Variants in ZNF407 observed in about 807,000 individuals in gnomAD.
ZNF407 encodes the protein zinc finger protein 407.
A neutral mutation model predicts 131.2 loss-of-function variants in ZNF407; 17 were observed. The ratio of observed to expected loss-of-function variants is 0.13; its 90% confidence interval spans 0.09 to 0.19. The LOEUF is 0.19. Among genes scored for constraint, ZNF407 ranks in the 10% least tolerant of loss-of-function variants. The probability of loss-of-function intolerance (pLI) is 1.00; values close to 1 mark genes in which losing one functional copy is unlikely to be tolerated. For missense variants in ZNF407, 2,681 were observed against 2,830.6 expected, an observed-to-expected ratio of 0.95 and a Z score of 1.20; for synonymous variants, 1,156 against 1,062.0, an observed-to-expected ratio of 1.09 and a Z score of -1.72.
chr18:74,873,750 G>T (rs1971119011), intron 4 of ZNF407, among the ~76,000 whole-genome samples: 1 of 151,804 alleles, frequency 6.6e-6, no homozygotes, highest in Non-Finnish European at 1.5e-5. Context: ...ATTTATGCTA[G>T]AAGACTAACT....
At chr18:74,936,695 C>T (rs998835691) in intron 8 of ZNF407, among the ~76,000 whole-genome samples, 21 of 152,308 alleles carry the variant, frequency 1.4e-4, no homozygotes, top group Admixed American at 9.2e-4. Flanking sequence ...GAATTCTAGA[C>T]AGTTGGGATA....
intron 3 of ZNF407, among the ~76,000 whole-genome samples, chr18:74,722,170 T>C (rs1002460789): frequency 1.3e-5 from 2 of 152,140 alleles, no homozygotes; most frequent in Non-Finnish European, 2.9e-5. Flanking sequence ...TTTCATCAAA[T>C]TTGAGGAACT....
intron 8 of ZNF407, among the ~76,000 whole-genome samples, chr18:75,028,589 T>A (rs1255621975): frequency 2.6e-5 from 4 of 152,220 alleles, no homozygotes; most frequent in Non-Finnish European, 5.9e-5. Flanking sequence ...TACCTCTAAG[T>A]GACTCTGATG....
intron 3 of ZNF407, among the ~76,000 whole-genome samples, chr18:74,728,063 G>T (rs1051531046): frequency 1.3e-5 from 2 of 152,058 alleles, no homozygotes; most frequent in African/African-American, 2.4e-5. Context: ...CATAGTTGTT[G>T]TTGTTGTTTT....
At chr18:74,932,655 C>G (rs1971995921) in intron 8 of ZNF407, among the ~76,000 whole-genome samples, 1 of 152,036 alleles carries the variant, frequency 6.6e-6, no homozygotes, top group South Asian at 2.1e-4. Flanking sequence ...GAATGTAATG[C>G]CTAGTAAAAT....
At chr18:74,775,934 G>C (rs1421882049) in intron 3 of ZNF407, among the ~76,000 whole-genome samples, 3 of 152,178 alleles carry the variant, frequency 2.0e-5, no homozygotes, top group African/African-American at 7.2e-5. Flanking sequence ...CTACAGTACC[G>C]AGGCTGACGC....
intron 4 of ZNF407, among the ~76,000 whole-genome samples, chr18:74,847,846 A>G (rs1970723032): frequency 6.6e-6 from 1 of 150,978 alleles, no homozygotes; most frequent in Non-Finnish European, 1.5e-5. Context: ...AAAATGAGGT[A>G]AAATACAAAA....
At chr18:75,029,071 A>T (rs964563308) in intron 8 of ZNF407, among the ~76,000 whole-genome samples, 3 of 152,232 alleles carry the variant, frequency 2.0e-5, no homozygotes, top group African/African-American at 7.2e-5. Flanking sequence ...AGATATCAGA[A>T]TAAAGACTGG....
intron 7 of ZNF407, among the ~76,000 whole-genome samples, chr18:74,919,197 C>G (rs555824229): frequency 7.9e-5 from 12 of 152,318 alleles, no homozygotes; most frequent in African/African-American, 2.9e-4. Context: ...ATACCGTATT[C>G]ACTGAGTCTT....
chr18:75,064,043 A>G lies in ZNF407; in HGVS notation c.6322A>G (p.Ser2108Gly). The G allele has an allele frequency of 6.3e-7, 1 of 1,599,102 alleles. No homozygotes were observed. The highest frequency in any genetic ancestry group is 8.5e-7 in the Non-Finnish European group (1 of 1,173,568). ...GGACGGTGTCACCCAGGTGGTGGTG[A>G]GCGAAGAGGGTGCCGTCCACATGGT... The part of the protein sequence containing the change: ...VKDGVTQVVV[S>G]EEGAVHMVAG... Residue 2108 changes from serine (S) to glycine (G), a missense_variant, in exon 9 of 9, where the codon AGC becomes GGC. Physicochemically the swap from Ser to Gly is moderately conservative, Grantham distance 56 (BLOSUM62 0). Around this residue, in one of 6 missense-constraint regions of ZNF407, gnomAD observed 620 missense variants for 583.1 expected, o/e 1.06. Transcript: ENST00000299687.
rs567080167 is a variant in ZNF407 at position 74,866,699 on chromosome 18, A to T, written c.4878-10498A>T. Reference sequence around the variant, plus strand: ...GAGAAATAATATATATATATAATTTAAAAAATTATTTGTATGGAATTTCCA... The same window carrying T: ...GAGAAATAATATATATATATAATTTTAAAAATTATTTGTATGGAATTTCCA... On this transcript the variant is annotated intron_variant, in intron 4 of 8. Coordinates refer to ENST00000299687, the MANE Select transcript of ZNF407 (RefSeq NM_017757.3). Among the ~76,000 whole-genome samples the T allele has an allele frequency of 8.6e-5, 13 of 151,040 alleles. No individual in the cohort carries two copies. In the East Asian group the frequency reaches 2.3e-3, roughly 27 times the overall value.
intron 3 of ZNF407, among the ~76,000 whole-genome samples, chr18:74,669,046 G>A (rs571797443): frequency 1.3e-5 from 2 of 152,200 alleles, no homozygotes; most frequent in East Asian, 3.9e-4. Flanking sequence ...TGCCTTGTGA[G>A]GAGCCCCGTC....
intron 4 of ZNF407, among the ~76,000 whole-genome samples, chr18:74,800,523 C>T (rs1271186142): frequency 6.6e-6 from 1 of 152,036 alleles, no homozygotes; most frequent in Non-Finnish European, 1.5e-5. Flanking sequence ...GAACGTTTAA[C>T]CTCTTGCCTC....
At chr18:74,867,541 C>T (rs1971030580) in intron 4 of ZNF407, among the ~76,000 whole-genome samples, 1 of 152,182 alleles carries the variant, frequency 6.6e-6, no homozygotes, top group Admixed American at 6.5e-5. Flanking sequence ...GAAGGCCAGA[C>T]ACTTACTAGC....
chr18:74,628,275 A>T (rs1347461755), intron 1 of ZNF407, among the ~76,000 whole-genome samples: 1 of 152,112 alleles, frequency 6.6e-6, no homozygotes, highest in Non-Finnish European at 1.5e-5. Flanking sequence ...CTTTATTGAG[A>T]TATTTGCAGT....
At chr18:74,798,325 A>C (rs1452188177) in intron 4 of ZNF407, among the ~76,000 whole-genome samples, 1 of 152,126 alleles carries the variant, frequency 6.6e-6, no homozygotes, top group East Asian at 1.9e-4. Flanking sequence ...ATTGTAAAGC[A>C]GACTGCATGA....
chr18:74,615,074 C>G (rs745967961), intron 1 of ZNF407, among the ~76,000 whole-genome samples: 16 of 152,180 alleles, frequency 1.1e-4, no homozygotes, highest in Non-Finnish European at 1.9e-4. Context: ...TGCTTACTTT[C>G]TTCTGTCAGC....
chr18:74,863,047 A>C (rs1970959520), intron 4 of ZNF407, among the ~76,000 whole-genome samples: 1 of 151,834 alleles, frequency 6.6e-6, no homozygotes, highest in South Asian at 2.1e-4. Flanking sequence ...CAGCCTCCCA[A>C]GTAGCTGGGA....
At chr18:74,901,764 C>T (rs901513940) in intron 7 of ZNF407, among the ~76,000 whole-genome samples, 1 of 152,224 alleles carries the variant, frequency 6.6e-6, no homozygotes, top group African/African-American at 2.4e-5. Flanking sequence ...TCCAGCTCTT[C>T]CTGAGCTGTG....
Sources: allele counts gnomAD v4.1 joint callset (sites outside exome capture counted in the v4.1 genomes callset), GRCh38; gene constraint gnomAD v4.1.1; regional missense constraint gnomAD v4.1.1; transcripts MANE v1.5; gene names NCBI Gene and HGNC (gene_info 2026-07-23, HGNC 2026-07-21).